The following GTF3C6 variants were observed in gnomAD, a reference collection of about 807,000 sequenced individuals.
GTF3C6 encodes the protein general transcription factor 3C polypeptide 6.
GTF3C6 carries 11 observed loss-of-function variants against 19.2 expected under a neutral mutation model. The ratio of observed to expected loss-of-function variants is 0.57; its 90% confidence interval spans 0.36 to 0.95. The LOEUF (loss-of-function observed/expected upper bound fraction) is 0.95. Among genes scored for constraint, GTF3C6 ranks in the 40% least tolerant of loss-of-function variants. The pLI is 0.01. For missense variants in GTF3C6, 222 were observed against 254.7 expected (o/e 0.87, Z 0.87); for synonymous variants, 87 against 84.2 (o/e 1.03, Z -0.18).
chr6:110,966,941 G>T (rs1028803826), intron 5 of GTF3C6, among the ~76,000 whole-genome samples: 2 of 152,148 alleles, frequency 1.3e-5, no homozygotes, highest in Non-Finnish European at 2.9e-5. Flanking sequence ...ATGGCTTGAA[G>T]TCAGGAGTTC....
At chr6:110,964,685 A>G (rs1771206214) in intron 5 of GTF3C6, among the ~76,000 whole-genome samples, 1 of 151,546 alleles carries the variant, frequency 6.6e-6, no homozygotes, top group South Asian at 2.1e-4. Context: ...TCCATCCCCC[A>G]GGCTGGAGTG....
At chr6:110,961,064 G>A (rs73539259) in intron 4 of GTF3C6, among the ~76,000 whole-genome samples, 37,338 of 151,416 alleles carry the variant, frequency 0.25, 5,249 homozygotes, top group East Asian at 0.65. Flanking sequence ...ACAAACAAAA[G>A]AACCCATTCC....
chr6:110,962,407 A>G lies in GTF3C6; in HGVS notation c.263A>G (p.Asn88Ser), dbSNP rs756027424. Residue 88 changes from asparagine to serine, a missense_variant, in exon 5 of 6, where the codon AAT becomes AGT. By Grantham distance (46) the Asn-to-Ser change is conservative. Coordinates refer to ENST00000329970, the MANE Select transcript of GTF3C6 (RefSeq NM_138408.4). ...TCTGTTCCAGCTGATACAGAAGGCA[A>G]TAATAAAACAGTGCTAAAATATAAA... The part of the protein sequence containing the change: ...ENVEHADTEG[N>S]NKTVLKYKCH... The G allele has an allele frequency of 1.1e-5, 18 of 1,587,066 alleles. No homozygotes were observed. In the South Asian group the frequency reaches 1.8e-4, roughly 16 times the overall value.
At chr6:110,966,831 A>T (rs1562359771) in intron 5 of GTF3C6, among the ~76,000 whole-genome samples, 1 of 139,496 alleles carries the variant, frequency 7.2e-6, no homozygotes, top group South Asian at 2.5e-4. Flanking sequence ...AAAAAATATG[A>T]ATATCTATAG....
intron 5 of GTF3C6, among the ~76,000 whole-genome samples, chr6:110,967,165 CATT>C (rs1232165482): frequency 6.6e-6 from 1 of 150,758 alleles, no homozygotes; most frequent in Non-Finnish European, 1.5e-5. Flanking sequence ...AAAAAAAAAA[CATT>C]GTAGGGAAGT....
chr6:110,965,151 TTTTTA>T (rs1360750205), intron 5 of GTF3C6, among the ~76,000 whole-genome samples: 4 of 127,274 alleles, frequency 3.1e-5, no homozygotes, highest in African/African-American at 1.2e-4. Context: ...TTTTTTTTTT[TTTTTA>T]AATAGAGACA....
intron 1 of GTF3C6, 159 bp downstream of exon 1, chr6:110,958,985 C>T (rs1771122371): frequency 3.3e-6 from 3 of 903,662 alleles, no homozygotes; most frequent in African/African-American, 3.4e-5. Flanking sequence ...CAGCTTGGGA[C>T]CTTAGCCCTA....
rs1239917299 is a variant in GTF3C6, at chr6:110,967,547, C to G, written c.399C>G (p.Phe133Leu). 5 of 1,613,536 alleles carry G rather than the reference C, an allele frequency of 3.1e-6. No homozygotes were observed. Among genetic ancestry groups the G allele is most frequent in the Non-Finnish European group, 4.2e-6 (5 of 1,179,834 alleles). ...GGCTGCAAATAAAGGATAATGATTTCTCCTATCGACCCAACATGATTTGTA... is the reference window on the plus strand; with the variant it reads ...GGCTGCAAATAAAGGATAATGATTTGTCCTATCGACCCAACATGATTTGTA... The part of the protein sequence containing the change: ...VEWLQIKDND[F>L]SYRPNMICNF... Residue 133 changes from phenylalanine to leucine, a missense_variant, in exon 6 of 6, where the codon TTC (phenylalanine) becomes TTG (leucine). By Grantham distance (22) the Phe-to-Leu change is conservative. Coordinates refer to ENST00000329970, the MANE Select transcript of GTF3C6 (RefSeq NM_138408.4).
chr6:110,967,467 TTTTG>T, intron 5 of GTF3C6, 39 bp from the exon 6 acceptor site: 2 of 1,526,706 alleles, frequency 1.3e-6, no homozygotes, highest in Non-Finnish European at 1.8e-6. Flanking sequence ...AAAATTCATT[TTTTG>T]TTTCTTTTTT....
chr6:110,967,554 C>G lies in GTF3C6; in HGVS notation c.406C>G (p.Arg136Gly). The G allele has an allele frequency of 6.2e-7, 1 of 1,613,740 alleles. No homozygotes were observed. Among genetic ancestry groups the G allele is most frequent in the Non-Finnish European group, 8.5e-7 (1 of 1,179,846 alleles). Reference sequence around the variant, plus strand: ...AATAAAGGATAATGATTTCTCCTATCGACCCAACATGATTTGTAACTTTCT... The same window carrying G: ...AATAAAGGATAATGATTTCTCCTATGGACCCAACATGATTTGTAACTTTCT... ...LQIKDNDFSY[R>G]PNMICNFLHE... Residue 136 changes from arginine (R) to glycine (G), a missense_variant, in exon 6 of 6, where the codon CGA becomes GGA. By Grantham distance (125) the Arg-to-Gly change is moderately radical (BLOSUM62 -2). Transcript: ENST00000329970.
At chr6:110,966,649 C>T (rs560203791) in intron 5 of GTF3C6, among the ~76,000 whole-genome samples, 5 of 152,240 alleles carry the variant, frequency 3.3e-5, no homozygotes, top group African/African-American at 1.2e-4. Context: ...GGAAGTGTGA[C>T]CGTTACCTTC....
intron 5 of GTF3C6, among the ~76,000 whole-genome samples, chr6:110,963,316 G>A (rs1050320270): frequency 1.3e-5 from 2 of 152,130 alleles, no homozygotes; most frequent in South Asian, 4.1e-4. Flanking sequence ...GGGCACTGGG[G>A]ACATAGAAAT....
chr6:110,967,621 A>G lies in GTF3C6; in HGVS notation c.473A>G (p.Asp158Gly). The G allele has an allele frequency of 4.3e-6, 7 of 1,614,152 alleles. No homozygotes were observed. Among genetic ancestry groups the G allele is most frequent in the Non-Finnish European group, 5.9e-6 (7 of 1,180,016 alleles). The change falls in exon 6 of 6, where the codon GAT (aspartate) becomes GGT (glycine). Residue 158 changes from aspartate (D) to glycine (G), a missense_variant. Transcript: ENST00000329970. ...EDEEVVASAP[D>G]KSLELEEEEI... ...GAAGAAGTGGTAGCTTCAGCCCCAG[A>G]TAAATCTTTGGAATTGGAAGAGGAA...
At chr6:110,962,344 T>C in intron 4 of GTF3C6, 48 bp from the exon 5 acceptor site, 1 of 995,738 alleles carries the variant, frequency 1.0e-6, no homozygotes, top group Non-Finnish European at 1.6e-6. Context: ...ATCTTTGTTT[T>C]ATTTGATGGC....
chr6:110,959,720 G>C (rs911153626), intron 2 of GTF3C6, among the ~76,000 whole-genome samples: 2 of 152,162 alleles, frequency 1.3e-5, no homozygotes, highest in African/African-American at 4.8e-5. Flanking sequence ...CCAATACTGG[G>C]AGGCCGAGGC....
rs745996208 is a variant in GTF3C6 at position 110,962,518 on chromosome 6, A to G, written c.361+13A>G. On this transcript the variant is annotated intron_variant, in intron 5 of 5. Coordinates refer to ENST00000329970, the MANE Select transcript of GTF3C6 (RefSeq NM_138408.4). ...GAAGAAAACATAGGTTAGTTCCATT[A>G]TTCTCTGAAAACAGGTGATCCAGTA... 10 of 1,392,848 alleles carry G rather than the reference A, an allele frequency of 7.2e-6. No homozygotes were observed. In the South Asian group the frequency reaches 1.1e-4, roughly 15 times the overall value. The allele number at this position is 1,392,848 out of a possible 1,614,324, so 86.3% of individuals were successfully genotyped here.
chr6:110,965,229 G>A, intron 5 of GTF3C6, among the ~76,000 whole-genome samples: 1 of 149,168 alleles, frequency 6.7e-6, no homozygotes, highest in Non-Finnish European at 1.5e-5. Flanking sequence ...TCCTGCCTCA[G>A]CCTCCCAAAG....
chr6:110,960,472 A>G lies in GTF3C6; in HGVS notation c.197A>G (p.Tyr66Cys), dbSNP rs1482976144. The change falls in exon 3 of 6, where the codon TAT (tyrosine) becomes TGT (cysteine). Residue 66 changes from tyrosine (Y) to cysteine (C), a missense_variant. Physicochemically the swap from Tyr to Cys is radical, Grantham distance 194. Coordinates refer to ENST00000329970, the MANE Select transcript of GTF3C6 (RefSeq NM_138408.4). Reference sequence around the variant, plus strand: ...GACAGCTGTGTCTTTGCTGGGGAGTATGAAGGTAGGAGGATGTCAGATAGA... The same window carrying G: ...GACAGCTGTGTCTTTGCTGGGGAGTGTGAAGGTAGGAGGATGTCAGATAGA... Reference protein sequence around the residue: ...QVDSCVFAGEYEDTLGTCVIF... With the variant: ...QVDSCVFAGECEDTLGTCVIF... 4 of 1,613,756 alleles carry G rather than the reference A, an allele frequency of 2.5e-6. No homozygotes were observed. Among genetic ancestry groups the G allele is most frequent in the African/African-American group, 1.3e-5 (1 of 74,836 alleles).
chr6:110,958,755 A>T lies in GTF3C6; in HGVS notation c.-15A>T. The T allele has an allele frequency of 6.4e-7, 1 of 1,550,648 alleles. No individual in the cohort carries two copies. The highest frequency in any genetic ancestry group is 1.4e-5 in the African/African-American group (1 of 73,210). On this transcript the variant is annotated 5_prime_UTR_variant, in exon 1 of 6. Coordinates refer to ENST00000329970, the MANE Select transcript of GTF3C6 (RefSeq NM_138408.4). ...GGGCGTGGCCAGTGACTAGAAGGCG[A>T]GGCGCCGCGGGACCATGGCGGCGGC...
Sources: allele counts gnomAD v4.1 joint callset (sites outside exome capture counted in the v4.1 genomes callset), GRCh38; gene constraint gnomAD v4.1.1; transcripts MANE v1.5; gene names NCBI Gene and HGNC (gene_info 2026-07-23, HGNC 2026-07-21).